The following PCDHA9 variants were observed in gnomAD, a reference collection of about 807,000 sequenced individuals.
The protein encoded by PCDHA9 is protocadherin alpha-9.
PCDHA9 carries 62 observed loss-of-function variants against 62.0 expected under a neutral mutation model. The ratio of observed to expected loss-of-function variants is 1.00; its 90% CI spans 0.81 to 1.23. The LOEUF (loss-of-function observed/expected upper bound fraction) is 1.23, where lower values mean the gene tolerates loss of function less well. Among genes scored for constraint, PCDHA9 ranks in the 50% most tolerant of loss-of-function variants. PCDHA9 has a pLI of 0.00. For synonymous variants in PCDHA9, 557 were observed against 567.6 expected (o/e 0.98, Z 0.27); for missense variants, 1,205 against 1,249.8 (o/e 0.96, Z 0.54).
chr5:140,999,614 A>G (rs572897182), intron 3 of PCDHA9, among the ~76,000 whole-genome samples: 1 of 152,302 alleles, frequency 6.6e-6, no homozygotes, highest in African/African-American at 2.4e-5. Flanking sequence ...GGACCTTATC[A>G]ACCAGGAAAC....
At chr5:140,902,551 C>G (rs1022882687) in intron 1 of PCDHA9, among the ~76,000 whole-genome samples, 1 of 151,956 alleles carries the variant, frequency 6.6e-6, no homozygotes, top group African/African-American at 2.4e-5. Context: ...CTTCTATACC[C>G]AGATTTTTGA....
intron 1 of PCDHA9, among the ~76,000 whole-genome samples, chr5:140,917,890 T>C (rs782473137): frequency 1.3e-5 from 2 of 152,098 alleles, no homozygotes; most frequent in Non-Finnish European, 2.9e-5. Context: ...TTTTTTTCCA[T>C]ATGAATGTTA....
intron 3 of PCDHA9, among the ~76,000 whole-genome samples, chr5:141,003,504 G>A (rs1336599901): frequency 9.2e-5 from 14 of 152,020 alleles, no homozygotes; most frequent in African/African-American, 3.4e-4. Context: ...GTAGAGATGG[G>A]GTTTCACCAT....
intron 1 of PCDHA9, chr5:140,870,675 C>T (rs1554164570): frequency 6.2e-7 from 1 of 1,612,672 alleles, no homozygotes. Flanking sequence ...CGTTGGACCA[C>T]GAGGAGCTGG....
chr5:140,995,901 A>C (rs2097702550), intron 3 of PCDHA9, among the ~76,000 whole-genome samples: 3 of 152,212 alleles, frequency 2.0e-5, no homozygotes, highest in Non-Finnish European at 1.5e-5. Flanking sequence ...CAATGTATAA[A>C]AGAGGAGAGA....
At chr5:140,968,668 G>A (rs1365342675) in intron 1 of PCDHA9, 3 of 1,614,038 alleles carry the variant, frequency 1.9e-6, no homozygotes, top group African/African-American at 1.3e-5. Flanking sequence ...ACCTCTTTAA[G>A]GTAGAGCTGC....
chr5:140,907,582 G>A (rs978225789), intron 1 of PCDHA9, among the ~76,000 whole-genome samples: 1 of 152,190 alleles, frequency 6.6e-6, no homozygotes, highest in Admixed American at 6.5e-5. Flanking sequence ...CAGGTAGCTG[G>A]CTGATCACCC....
intron 1 of PCDHA9, chr5:140,882,237 T>C (rs2059015707): frequency 8.2e-6 from 13 of 1,582,128 alleles, no homozygotes; most frequent in Non-Finnish European, 1.1e-5. Context: ...TTGTATATAT[T>C]GCAGATAGCT....
chr5:140,927,317 G>A lies in PCDHA9; in HGVS notation c.2395-51632G>A, dbSNP rs782172424. ...CCCGAGTTCCTGACGCCCGGAGCCCGCTTTACTCTCCCGAATGCCCAAGAT... is the reference window on the plus strand; with the variant it reads ...CCCGAGTTCCTGACGCCCGGAGCCCACTTTACTCTCCCGAATGCCCAAGAT... On this transcript the variant is annotated intron_variant, in intron 1 of 3. Coordinates refer to ENST00000532602, the MANE Select transcript of PCDHA9 (RefSeq NM_031857.2). 3.2e-5 allele frequency: 52 copies of A among 1,614,146 alleles called. 1 individual carries two copies. The South Asian group carries it at 5.2e-4, about 16-fold the overall frequency.
chr5:140,904,552 T>C (rs1233525886), intron 1 of PCDHA9, among the ~76,000 whole-genome samples: 1 of 152,084 alleles, frequency 6.6e-6, no homozygotes, highest in Non-Finnish European at 1.5e-5. Flanking sequence ...TTTCATATAA[T>C]GACTTTTTTT....
intron 1 of PCDHA9, among the ~76,000 whole-genome samples, chr5:140,873,279 A>G (rs1292548146): frequency 6.6e-6 from 1 of 152,200 alleles, no homozygotes; most frequent in African/African-American, 2.4e-5. Flanking sequence ...CCATCATACC[A>G]CTTATGAAAC....
chr5:140,989,010 A>G (rs2097325577), intron 3 of PCDHA9: 1 of 152,226 alleles, frequency 6.6e-6, no homozygotes, highest in Non-Finnish European at 1.5e-5. Context: ...GAGACTTATT[A>G]TAGTTTCTTC....
rs2041326470 is a variant in PCDHA9 at position 140,850,070 on chromosome 5, C to T, written c.1575C>T (p.His525=). The T allele has an allele frequency of 1.9e-6, 3 of 1,596,448 alleles. No individual in the cohort carries two copies. The highest frequency in any genetic ancestry group is 1.7e-5 in the Admixed American group (1 of 59,310). ...GKVYALQPLD[H]EELELLQFQV... ...TGTACGCGCTGCAGCCGTTGGACCA[C>T]GAGGAGCTGGAGCTGCTACAGTTCC... Residue 525 remains histidine (H), a synonymous_variant, in exon 1 of 4, where the codon CAC becomes CAT. Transcript: ENST00000532602.
At chr5:140,929,013 G>A in intron 1 of PCDHA9, 1 of 1,614,120 alleles carries the variant, frequency 6.2e-7, no homozygotes, top group South Asian at 1.1e-5. Context: ...GTACCAAGTT[G>A]CACCAGAGCC....
At chr5:140,950,043 A>T (rs1011500100) in intron 1 of PCDHA9, among the ~76,000 whole-genome samples, 1 of 151,950 alleles carries the variant, frequency 6.6e-6, no homozygotes, top group Non-Finnish European at 1.5e-5. Flanking sequence ...TTACAACCAT[A>T]TAAGACTATT....
intron 1 of PCDHA9, chr5:140,884,206 C>A: frequency 6.2e-7 from 1 of 1,613,542 alleles, no homozygotes; most frequent in Admixed American, 1.7e-5. Flanking sequence ...CGCACCACCG[C>A]CTTCTGGTGC....
intron 1 of PCDHA9, among the ~76,000 whole-genome samples, chr5:140,978,171 G>C (rs1386184793): frequency 6.6e-6 from 1 of 152,186 alleles, no homozygotes; most frequent in Non-Finnish European, 1.5e-5. Context: ...AGAGTTTGTA[G>C]AGAGAGGGCA....
chr5:140,856,156 G>A, intron 1 of PCDHA9: 1 of 1,598,364 alleles, frequency 6.3e-7, no homozygotes, highest in Non-Finnish European at 8.6e-7. Context: ...CAGTCTACGA[G>A]GAGGCCAGAC....
intron 1 of PCDHA9, among the ~76,000 whole-genome samples, chr5:140,941,247 CTTTCTTTCTCTT>C (rs1165264412): frequency 7.0e-5 from 9 of 128,506 alleles, no homozygotes; most frequent in African/African-American, 1.7e-4. Context: ...TTCTTTCTTT[CTTTCTTTCTCTT>C]TCTTTCTTTC....
Sources: allele counts gnomAD v4.1 joint callset (sites outside exome capture counted in the v4.1 genomes callset), GRCh38; gene constraint gnomAD v4.1.1; transcripts MANE v1.5; gene names NCBI Gene and HGNC (gene_info 2026-07-23, HGNC 2026-07-21).